Variants in NEK7 observed in about 807,000 individuals in gnomAD.
NEK7 encodes NIMA related kinase 7, also known as serine/threonine-protein kinase Nek7.
Under a neutral mutation model 44.6 loss-of-function variants are expected in NEK7, and 18 were observed. The observed-to-expected ratio is 0.40, with a 90% CI of 0.28 to 0.60. The LOEUF (loss-of-function observed/expected upper bound fraction) is 0.60. NEK7 is among the 20% of genes least tolerant of loss of function. The probability of loss-of-function intolerance (pLI) is 0.38; values close to 1 mark genes in which losing one functional copy is unlikely to be tolerated. For missense variants in NEK7, 256 were observed against 366.5 expected (o/e 0.70, Z 2.46); for synonymous variants, 130 against 121.1 (o/e 1.07, Z -0.48).
intron 8 of NEK7, among the ~76,000 whole-genome samples, chr1:198,296,899 C>T (rs7529483): frequency 0.14 from 21,018 of 151,972 alleles, 2,137 homozygotes; most frequent in East Asian, 0.58. Flanking sequence ...TGCTAATTCT[C>T]TATTTTAGGG....
chr1:198,170,033 A>G (rs750665675), intron 1 of NEK7, among the ~76,000 whole-genome samples: 4 of 152,214 alleles, frequency 2.6e-5, no homozygotes, highest in Non-Finnish European at 5.9e-5. Flanking sequence ...GTTTCAGGAA[A>G]GGTCTAGGAT....
intron 2 of NEK7, among the ~76,000 whole-genome samples, chr1:198,239,806 T>C (rs978934065): frequency 1.3e-5 from 2 of 152,174 alleles, no homozygotes; most frequent in Admixed American, 6.5e-5. Context: ...GAGAACTGCA[T>C]TGTCAGGCAA....
chr1:198,300,104 T>C (rs893145495), intron 9 of NEK7, among the ~76,000 whole-genome samples: 2 of 152,200 alleles, frequency 1.3e-5, no homozygotes, highest in African/African-American at 4.8e-5. Context: ...TTTGATGTTT[T>C]GTATTTTCTC....
chr1:198,213,092 G>A (rs1302481295), intron 1 of NEK7, among the ~76,000 whole-genome samples: 1 of 152,156 alleles, frequency 6.6e-6, no homozygotes, highest in Admixed American at 6.5e-5. Context: ...TAGAGGACAG[G>A]TCACACCTCT....
intron 1 of NEK7, among the ~76,000 whole-genome samples, chr1:198,174,466 G>T (rs895398377): frequency 1.3e-5 from 2 of 152,082 alleles, no homozygotes; most frequent in South Asian, 4.1e-4. Flanking sequence ...AGTTTTCCAA[G>T]AAGTAAAGTA....
chr1:198,168,922 G>A (rs1664348616), intron 1 of NEK7, among the ~76,000 whole-genome samples: 1 of 152,306 alleles, frequency 6.6e-6, no homozygotes, highest in East Asian at 1.9e-4. Flanking sequence ...TAAAAACAAA[G>A]GAGAGGAGTA....
intron 1 of NEK7, among the ~76,000 whole-genome samples, chr1:198,181,967 T>C (rs965465393): frequency 6.6e-6 from 1 of 152,030 alleles, no homozygotes; most frequent in African/African-American, 2.4e-5. Context: ...TTTCTTGTTT[T>C]AATAGAAAAA....
chr1:198,252,222 G>A (rs1328448782), intron 2 of NEK7, among the ~76,000 whole-genome samples: 1 of 151,972 alleles, frequency 6.6e-6, no homozygotes, highest in African/African-American at 2.4e-5. Flanking sequence ...TAGTTTGATT[G>A]CCCTGTGGTC....
At chr1:198,161,536 T>C (rs893476980) in intron 1 of NEK7, among the ~76,000 whole-genome samples, 9 of 152,296 alleles carry the variant, frequency 5.9e-5, no homozygotes, top group African/African-American at 2.2e-4. Flanking sequence ...CACAACAGCG[T>C]TTTATAATTA....
At chr1:198,243,677 C>T (rs1426607177) in intron 2 of NEK7, among the ~76,000 whole-genome samples, 2 of 152,154 alleles carry the variant, frequency 1.3e-5, no homozygotes, top group Non-Finnish European at 1.5e-5. Context: ...TTTGGTCACT[C>T]ATTTTTCTTA....
At chr1:198,252,545 T>G in intron 2 of NEK7, among the ~76,000 whole-genome samples, 1 of 58,158 alleles carries the variant, frequency 1.7e-5, no homozygotes, top group Non-Finnish European at 2.7e-5. Context: ...TATATATATA[T>G]ATATATATAT....
At chr1:198,163,052 A>G (rs1251246244) in intron 1 of NEK7, among the ~76,000 whole-genome samples, 2 of 152,184 alleles carry the variant, frequency 1.3e-5, no homozygotes, top group South Asian at 2.1e-4. Flanking sequence ...ACATTTTATT[A>G]TGGTTATAAT....
At chr1:198,307,305 A>G (rs1001771107) in intron 9 of NEK7, among the ~76,000 whole-genome samples, 4 of 152,186 alleles carry the variant, frequency 2.6e-5, no homozygotes, top group African/African-American at 9.6e-5. Context: ...TTCAACATCA[A>G]TTTTACAGCA....
chr1:198,254,874 AAG>A (rs1351588605), intron 3 of NEK7, among the ~76,000 whole-genome samples: 1 of 152,174 alleles, frequency 6.6e-6, no homozygotes, highest in African/African-American at 2.4e-5. Flanking sequence ...GTGTTTATGA[AAG>A]AGATTACTTT....
chr1:198,273,236 C>T (rs1487678606), intron 5 of NEK7, among the ~76,000 whole-genome samples: 1 of 151,662 alleles, frequency 6.6e-6, no homozygotes, highest in Non-Finnish European at 1.5e-5. Flanking sequence ...CTACTTTACA[C>T]CTTCTAATGC....
At chr1:198,304,257 GA>G (rs1654967310) in intron 9 of NEK7, among the ~76,000 whole-genome samples, 1 of 152,096 alleles carries the variant, frequency 6.6e-6, no homozygotes, top group Admixed American at 6.5e-5. Flanking sequence ...CTTCAGCTGT[GA>G]AATATAGACA....
intron 1 of NEK7, among the ~76,000 whole-genome samples, chr1:198,173,801 AG>A (rs1233700565): frequency 1.3e-5 from 2 of 152,176 alleles, no homozygotes; most frequent in African/African-American, 4.8e-5. Flanking sequence ...TTATAATTAA[AG>A]TTTTTTTTAT....
chr1:198,216,401 A>T (rs1401599812), intron 1 of NEK7, among the ~76,000 whole-genome samples: 1 of 152,060 alleles, frequency 6.6e-6, no homozygotes, highest in East Asian at 1.9e-4. Context: ...CAGTGGCACA[A>T]GTTATCAAAA....
chr1:198,308,574 G>T (rs1655083085), intron 9 of NEK7, among the ~76,000 whole-genome samples: 1 of 152,168 alleles, frequency 6.6e-6, no homozygotes, highest in Non-Finnish European at 1.5e-5. Context: ...CATTCTGCTG[G>T]CATTGTTCTC....
Sources: allele counts gnomAD v4.1 joint callset (sites outside exome capture counted in the v4.1 genomes callset), GRCh38; gene constraint gnomAD v4.1.1; transcripts MANE v1.5; gene names NCBI Gene and HGNC (gene_info 2026-07-23, HGNC 2026-07-21).